Variants in GALNT17 observed in about 807,000 individuals in gnomAD.
GALNT17 encodes polypeptide N-acetylgalactosaminyltransferase 17.
GALNT17 carries 29 observed loss-of-function variants against 63.7 expected under a neutral mutation model. That is an observed-to-expected ratio of 0.46 (90% CI 0.34 to 0.62). The LOEUF (loss-of-function observed/expected upper bound fraction) is 0.62, where lower values mean the gene tolerates loss of function less well. Among genes scored for constraint, GALNT17 ranks in the 20% least tolerant of loss-of-function variants. The pLI, the probability that GALNT17 is intolerant of heterozygous loss-of-function variation, is 0.01. For synonymous variants in GALNT17, 305 were observed against 318.3 expected (o/e 0.96, Z 0.45); for missense variants, 603 against 799.6 (o/e 0.75, Z 2.97).
intron 1 of GALNT17, among the ~76,000 whole-genome samples, chr7:71,214,846 G>C (rs111791701): frequency 0.028 from 4,204 of 152,186 alleles, 192 homozygotes; most frequent in African/African-American, 0.095. Context: ...CCAAAGTGCT[G>C]GGATTACAGG....
At position 71,265,118 on chromosome 7, in the gene GALNT17, A is replaced by ATATATATATTTTT. The variant is rs1390488895; in HGVS notation, c.239-70431_239-70430insATATATATTTTTT. Among the ~76,000 whole-genome samples, 14 of 37,426 alleles carry ATATATATATTTTT rather than the reference A, an allele frequency of 3.7e-4. 1 individual carries two copies. Among genetic ancestry groups the ATATATATATTTTT allele is most frequent in the East Asian group, 1.1e-3 (2 of 1,790 alleles). The allele number at this position is 37,426 out of a possible 152,430, so 24.6% of individuals were successfully genotyped here. ...AAATATTATATATATATATATATAT[A>ATATATATATTTTT]TTTTTTTTTTTTTTTTTTTTTTTTT... On this transcript the variant is annotated intron_variant, in intron 1 of 10. Coordinates refer to ENST00000333538, the MANE Select transcript of GALNT17 (RefSeq NM_022479.3).
intron 5 of GALNT17, among the ~76,000 whole-genome samples, chr7:71,454,226 C>G (rs904614067): frequency 6.6e-6 from 1 of 152,140 alleles, no homozygotes; most frequent in African/African-American, 2.4e-5. Flanking sequence ...GCATTGTCCC[C>G]CAGACTCCAC....
At chr7:71,330,768 A>C (rs1046602243) in intron 1 of GALNT17, among the ~76,000 whole-genome samples, 6 of 152,188 alleles carry the variant, frequency 3.9e-5, no homozygotes, top group Non-Finnish European at 1.5e-5. Flanking sequence ...TTGGGGTTCA[A>C]ATATAGCATA....
chr7:71,652,347 T>A (rs763930791), intron 6 of GALNT17, among the ~76,000 whole-genome samples: 1 of 152,142 alleles, frequency 6.6e-6, no homozygotes, highest in Admixed American at 6.5e-5. Flanking sequence ...AAGATTGAAA[T>A]TGAATTTTTT....
At chr7:71,613,591 G>A (rs1360041124) in intron 6 of GALNT17, among the ~76,000 whole-genome samples, 4 of 152,076 alleles carry the variant, frequency 2.6e-5, no homozygotes, top group African/African-American at 9.7e-5. Context: ...ATTGCATTCT[G>A]TCTCCTCTGC....
At chr7:71,212,597 G>T (rs1240989071) in intron 1 of GALNT17, among the ~76,000 whole-genome samples, 1 of 152,104 alleles carries the variant, frequency 6.6e-6, no homozygotes, top group East Asian at 1.9e-4. Context: ...GACACTCAAC[G>T]CTAGCTTGTG....
intron 1 of GALNT17, among the ~76,000 whole-genome samples, chr7:71,293,895 C>T (rs1225611284): frequency 6.6e-6 from 1 of 152,144 alleles, no homozygotes; most frequent in Non-Finnish European, 1.5e-5. Flanking sequence ...CATGGTGGCT[C>T]ACGCCTGTAA....
chr7:71,310,516 G>T (rs904818799), intron 1 of GALNT17, among the ~76,000 whole-genome samples: 4 of 152,210 alleles, frequency 2.6e-5, no homozygotes, highest in African/African-American at 7.2e-5. Flanking sequence ...GGCAAAAACT[G>T]CAGTTACTTT....
intron 1 of GALNT17, among the ~76,000 whole-genome samples, chr7:71,200,874 A>T (rs1208764227): frequency 6.6e-6 from 1 of 151,864 alleles, no homozygotes; most frequent in Non-Finnish European, 1.5e-5. Context: ...ACAAAACAAA[A>T]CTCAACTCTT....
At chr7:71,139,712 G>A (rs1357781245) in intron 1 of GALNT17, among the ~76,000 whole-genome samples, 3 of 152,154 alleles carry the variant, frequency 2.0e-5, no homozygotes, top group African/African-American at 7.2e-5. Flanking sequence ...AGGAATGGTG[G>A]CCGGGCACGG....
chr7:71,617,420 CA>C (rs894831762), intron 6 of GALNT17, among the ~76,000 whole-genome samples: 24 of 150,464 alleles, frequency 1.6e-4, no homozygotes, highest in African/African-American at 5.9e-4. Flanking sequence ...TTCCTAGGTT[CA>C]AGCAATTCTC....
intron 6 of GALNT17, among the ~76,000 whole-genome samples, chr7:71,585,261 G>T (rs1789697896): frequency 1.3e-5 from 2 of 152,146 alleles, no homozygotes; most frequent in Admixed American, 6.5e-5. Context: ...TTCAACAGCA[G>T]GTTCAGGTGT....
rs538345410 is a variant in GALNT17, at chr7:71,653,999, T to A, written c.1081-11412T>A. On this transcript the variant is annotated intron_variant, in intron 6 of 10. Coordinates refer to ENST00000333538, the MANE Select transcript of GALNT17 (RefSeq NM_022479.3). ...TGAAAAACAGCTCAAGAACATATGC[T>A]AAGATGTTATCTTATTTTTTTTATT... Among the ~76,000 whole-genome samples, 155 of 152,278 alleles carry A rather than the reference T, an allele frequency of 1.0e-3. 2 individuals carry two copies. Among genetic ancestry groups the A allele is most frequent in the Middle Eastern group, 3.4e-3 (1 of 294 alleles).
At chr7:71,208,213 A>G (rs893960299) in intron 1 of GALNT17, among the ~76,000 whole-genome samples, 2 of 152,080 alleles carry the variant, frequency 1.3e-5, no homozygotes, top group Admixed American at 6.5e-5. Context: ...CTGGGATTAC[A>G]GTCATGAGCC....
chr7:71,524,651 A>G (rs1163728620), intron 5 of GALNT17, among the ~76,000 whole-genome samples: 1 of 152,216 alleles, frequency 6.6e-6, no homozygotes, highest in African/African-American at 2.4e-5. Flanking sequence ...TTTCTGTGTT[A>G]GTTTTATAAA....
intron 4 of GALNT17, among the ~76,000 whole-genome samples, chr7:71,420,399 A>C (rs1289555721): frequency 6.6e-6 from 1 of 152,178 alleles, no homozygotes; most frequent in Non-Finnish European, 1.5e-5. Flanking sequence ...ACACACACAC[A>C]CACAGAGAAG....
At chr7:71,582,434 T>A (rs955204340) in intron 6 of GALNT17, among the ~76,000 whole-genome samples, 13 of 141,780 alleles carry the variant, frequency 9.2e-5, no homozygotes, top group Non-Finnish European at 2.0e-4. Context: ...AAAAAAAAAA[T>A]AGCTGGGCAT....
intron 1 of GALNT17, among the ~76,000 whole-genome samples, chr7:71,159,229 C>T (rs1170033952): frequency 3.0e-5 from 4 of 132,174 alleles, no homozygotes; most frequent in Non-Finnish European, 3.2e-5. Context: ...CAATACTTGT[C>T]ATTTTTTAAC....
intron 2 of GALNT17, among the ~76,000 whole-genome samples, chr7:71,349,097 C>G (rs1233118182): frequency 6.6e-6 from 1 of 152,168 alleles, no homozygotes; most frequent in East Asian, 1.9e-4. Context: ...GTTTCTCAGC[C>G]CTGGGGATAA....
Sources: gnomAD v4.1 joint callset for allele counts (sites outside exome capture counted in the v4.1 genomes callset) on GRCh38, gnomAD v4.1.1 for gene constraint, MANE v1.5 for transcripts, NCBI Gene and HGNC (gene_info 2026-07-23, HGNC 2026-07-21) for gene names.